The following TRAK2 variants were observed in gnomAD, a reference collection of about 807,000 sequenced individuals.
TRAK2 encodes the protein trafficking kinesin-binding protein 2.
Under a neutral mutation model 104.6 loss-of-function variants are expected in TRAK2, and 81 were observed. The ratio of observed to expected loss-of-function variants is 0.77; its 90% CI spans 0.65 to 0.93. The LOEUF (loss-of-function observed/expected upper bound fraction) is 0.93, where lower values mean the gene tolerates loss of function less well. Ranked by LOEUF, TRAK2 falls within the 40% of genes least tolerant of loss-of-function variation. The probability of loss-of-function intolerance (pLI) is 0.00; values close to 1 mark genes in which losing one functional copy is unlikely to be tolerated. For synonymous variants in TRAK2, 406 were observed against 394.4 expected, an observed-to-expected ratio of 1.03 and a Z score of -0.35; for missense variants, 1,002 against 1,089.0, an observed-to-expected ratio of 0.92 and a Z score of 1.12.
intron 1 of TRAK2, among the ~76,000 whole-genome samples, chr2:201,441,676 CTCTT>C (rs1362149807): frequency 2.0e-4 from 30 of 151,090 alleles, no homozygotes; most frequent in Admixed American, 1.1e-3. Context: ...AGACAGTGTG[CTCTT>C]TCTTTTTTTT....
At chr2:201,403,119 G>C (rs1485883353) in intron 3 of TRAK2, among the ~76,000 whole-genome samples, 1 of 151,776 alleles carries the variant, frequency 6.6e-6, no homozygotes, top group Non-Finnish European at 1.5e-5. Context: ...GATGAAAGGG[G>C]AAGAAAAAAA....
chr2:201,383,674 A>G (rs1421370989), intron 15 of TRAK2, among the ~76,000 whole-genome samples: 1 of 152,234 alleles, frequency 6.6e-6, no homozygotes, highest in Non-Finnish European at 1.5e-5. Context: ...AGCCACAAGT[A>G]TAACAACTTG....
At chr2:201,415,186 G>T (rs1288902701) in intron 2 of TRAK2, among the ~76,000 whole-genome samples, 2 of 152,136 alleles carry the variant, frequency 1.3e-5, no homozygotes, top group Middle Eastern at 3.4e-3. Flanking sequence ...TCTAGAGTAT[G>T]ATCTGTAGAC....
At chr2:201,449,131 G>A (rs1315045769) in intron 1 of TRAK2, among the ~76,000 whole-genome samples, 1 of 152,222 alleles carries the variant, frequency 6.6e-6, no homozygotes, top group South Asian at 2.1e-4. Context: ...AGTAAGAAAT[G>A]GGAATTGTAG....
At chr2:201,407,648 A>G (rs771110144) in intron 2 of TRAK2, 51 bp from the exon 3 acceptor site, 2 of 1,479,464 alleles carry the variant, frequency 1.4e-6, no homozygotes, top group East Asian at 2.3e-5. Context: ...AACTTTTACT[A>G]GGCTACAGAG....
At chr2:201,414,948 A>G (rs1193654919) in intron 2 of TRAK2, among the ~76,000 whole-genome samples, 2 of 42,480 alleles carry the variant, frequency 4.7e-5, no homozygotes, top group Non-Finnish European at 1.9e-4. Flanking sequence ...TATTAAAAAT[A>G]AGTGTACAAT....
chr2:201,407,334 A>AAATCAAT, intron 3 of TRAK2, 69 bp downstream of exon 3: 1 of 1,396,188 alleles, frequency 7.2e-7, no homozygotes, highest in Non-Finnish European at 9.9e-7. Context: ...AGTGCTTTAA[A>AAATCAAT]AATCAATACC....
At chr2:201,404,615 T>TA (rs1274190386) in intron 3 of TRAK2, among the ~76,000 whole-genome samples, 7 of 152,226 alleles carry the variant, frequency 4.6e-5, no homozygotes, top group African/African-American at 1.7e-4. Context: ...ACACCAATGA[T>TA]AATCCATTCT....
chr2:201,392,323 T>C (rs1951455641), intron 10 of TRAK2, among the ~76,000 whole-genome samples: 1 of 152,194 alleles, frequency 6.6e-6, no homozygotes, highest in East Asian at 1.9e-4. Flanking sequence ...CTAAAATGTA[T>C]AGTTTCAGTC....
At chr2:201,388,667 G>A (rs1445587448) in intron 12 of TRAK2, among the ~76,000 whole-genome samples, 2 of 152,068 alleles carry the variant, frequency 1.3e-5, no homozygotes, top group Admixed American at 6.6e-5. Context: ...GGGTACTCTG[G>A]GATACTGGGG....
chr2:201,417,471 C>T (rs1951704692), intron 2 of TRAK2, among the ~76,000 whole-genome samples: 1 of 151,918 alleles, frequency 6.6e-6, no homozygotes. Context: ...ACAGAATTCA[C>T]CACACTAATA....
chr2:201,427,680 T>C (rs1292230739), intron 1 of TRAK2, among the ~76,000 whole-genome samples: 1 of 152,214 alleles, frequency 6.6e-6, no homozygotes, highest in Non-Finnish European at 1.5e-5. Flanking sequence ...CCTTTGGGTA[T>C]ATACCCAGTA....
In TRAK2 at chr2:201,384,234, G is replaced by T. The variant is rs764945799; in HGVS notation, c.1964-18C>A. 1.3e-6 allele frequency: 2 copies of T among 1,577,996 alleles called. No individual in the cohort carries two copies. Among genetic ancestry groups the T allele is most frequent in the South Asian group, 2.2e-5 (2 of 89,126 alleles). On this transcript the variant is annotated intron_variant, in intron 14 of 15. Transcript: ENST00000332624. ...GGTTGCAACTGAAATAGATTTTTAG[G>T]GAGCAAATACAAGATTGAAAGTCTA...
At chr2:201,393,186 T>A (rs1370609418) in intron 9 of TRAK2, 140 bp from the exon 10 acceptor site, 4 of 824,594 alleles carry the variant, frequency 4.9e-6, no homozygotes, top group Non-Finnish European at 5.4e-6. Context: ...ATACAAAGAC[T>A]AAAACAAACT....
chr2:201,380,251 T>C lies in TRAK2; in HGVS notation c.*292A>G. The C allele has an allele frequency of 2.4e-6, 1 of 415,502 alleles. No individual in the cohort carries two copies. The highest frequency in any genetic ancestry group is 2.0e-5 in the African/African-American group (1 of 50,478). The allele number at this position is 415,502 out of a possible 1,614,324, so 25.7% of individuals were successfully genotyped here. A position where few individuals can be genotyped will look rare whatever the true frequency, so the allele number is the denominator to read the frequency against. The stretch of plus-strand genomic sequence containing the variant: ...CTGTATGTTTTAGTATTACTGAATT[T>C]ATTTGTATTCACTTTTTATGTTCAA... On this transcript the variant is annotated 3_prime_UTR_variant, in exon 16 of 16. Coordinates refer to ENST00000332624, the MANE Select transcript of TRAK2 (RefSeq NM_015049.3).
At chr2:201,411,379 T>C (rs1951645715) in intron 2 of TRAK2, 9 of 748,568 alleles carry the variant, frequency 1.2e-5, no homozygotes, top group Non-Finnish European at 1.8e-5. Context: ...TCTGCTCCAA[T>C]GTGGCTAAAA....
At position 201,425,180 on chromosome 2, in the gene TRAK2, A is replaced by G. The variant is rs566972217; in HGVS notation, c.-199-4474T>C. 2.7e-4 allele frequency among the ~76,000 whole-genome samples: 41 copies of G among 152,300 alleles called. 1 individual carries two copies. The highest frequency in any genetic ancestry group is 8.9e-4 in the African/African-American group (37 of 41,560). On this transcript the variant is annotated intron_variant, in intron 1 of 15. Transcript: ENST00000332624. ...CTCTTTACAGAAAAAGTTGACCAAC[A>G]CCTGTTCTACAGTAGAAAAATAGTT...
chr2:201,423,443 G>A (rs1951760346), intron 1 of TRAK2: 1 of 152,120 alleles, frequency 6.6e-6, no homozygotes, highest in Non-Finnish European at 1.5e-5. Flanking sequence ...TAGGGAGAGG[G>A]GAGAATAGGG....
chr2:201,432,907 C>T (rs915255288), intron 1 of TRAK2, among the ~76,000 whole-genome samples: 1 of 152,180 alleles, frequency 6.6e-6, no homozygotes, highest in African/African-American at 2.4e-5. Context: ...CACATGTGGG[C>T]TGCTGAAATG....
Sources: allele counts gnomAD v4.1 joint callset (sites outside exome capture counted in the v4.1 genomes callset), GRCh38; gene constraint gnomAD v4.1.1; transcripts MANE v1.5; gene names NCBI Gene and HGNC (gene_info 2026-07-23, HGNC 2026-07-21).